SPATA13: variants seen among roughly 807,000 people sequenced by gnomAD.
SPATA13 encodes spermatogenesis-associated protein 13.
In SPATA13, 50 loss-of-function variants were observed where a neutral mutation model predicts 104.0. That is an observed-to-expected ratio of 0.48 (90% confidence interval 0.38 to 0.61). SPATA13 has a LOEUF of 0.61. Ranked by LOEUF, SPATA13 falls within the 20% of genes least tolerant of loss-of-function variation. The pLI, the probability that SPATA13 is intolerant of heterozygous loss-of-function variation, is 0.00. For missense variants in SPATA13, 1,524 were observed against 1,690.6 expected, an observed-to-expected ratio of 0.90 and a Z score of 1.73; for synonymous variants, 606 against 667.5, an observed-to-expected ratio of 0.91 and a Z score of 1.42.
chr13:24,306,503 A>G lies in SPATA13; in HGVS notation c.*3730A>G, dbSNP rs1877584187. 1 of 152,234 alleles carries G rather than the reference A, an allele frequency of 6.6e-6. No individual in the cohort carries two copies. Among genetic ancestry groups the G allele is most frequent in the African/African-American group, 2.4e-5 (1 of 41,478 alleles). The allele number at this position is 152,234 out of a possible 1,614,324, so 9.4% of individuals were successfully genotyped here. On this transcript the variant is annotated 3_prime_UTR_variant, in exon 13 of 13. Coordinates refer to ENST00000382108, the MANE Select transcript of SPATA13 (RefSeq NM_001166271.3). ...GGACCCAAGTCAACTAGGTGAAACT[A>G]CTAGCAGACCCAGCTTTCCCATAAT...
At chr13:24,079,858 G>A (rs534018872) in intron 3 of SPATA13, among the ~76,000 whole-genome samples, 13 of 152,180 alleles carry the variant, frequency 8.5e-5, no homozygotes, top group African/African-American at 3.1e-4. Context: ...TGACTCTCCC[G>A]TGAGGATGGG....
At chr13:24,255,271 C>T (rs1489897651) in intron 4 of SPATA13, among the ~76,000 whole-genome samples, 2 of 152,128 alleles carry the variant, frequency 1.3e-5, no homozygotes, top group African/African-American at 4.8e-5. Flanking sequence ...AGGATGCCTA[C>T]CCTGAGGCTC....
intron 4 of SPATA13, 108 bp downstream of exon 4, chr13:24,251,970 G>A: frequency 7.1e-7 from 1 of 1,404,452 alleles, no homozygotes; most frequent in Non-Finnish European, 9.6e-7. Flanking sequence ...CTTGGGCCAG[G>A]GCGCGTTTGT....
intron 4 of SPATA13, among the ~76,000 whole-genome samples, chr13:24,252,100 G>A (rs1354873167): frequency 6.6e-6 from 1 of 152,062 alleles, no homozygotes; most frequent in Non-Finnish European, 1.5e-5. Flanking sequence ...TGTGGTGTCC[G>A]TGTACATACA....
chr13:24,021,519 C>A (rs969326086), intron 3 of SPATA13, among the ~76,000 whole-genome samples: 1 of 152,106 alleles, frequency 6.6e-6, no homozygotes, highest in African/African-American at 2.4e-5. Context: ...AAATTAAAAA[C>A]CAGTATCAGG....
chr13:23,991,470 C>G (rs1471834054), intron 2 of SPATA13, among the ~76,000 whole-genome samples: 2 of 152,084 alleles, frequency 1.3e-5, no homozygotes, highest in Non-Finnish European at 2.9e-5. Context: ...TTTCTTGCTC[C>G]TCTTTTCTCC....
rs142292795 is a variant in SPATA13 at position 24,175,069 on chromosome 13, G to A, written c.-112+14137G>A. 7.9e-5 allele frequency among the ~76,000 whole-genome samples: 12 copies of A among 152,236 alleles called. No homozygotes were observed. The East Asian group carries it at 2.1e-3, about 27-fold the overall frequency. On this transcript the variant is annotated intron_variant, in intron 1 of 12. Coordinates refer to ENST00000382108, the MANE Select transcript of SPATA13 (RefSeq NM_001166271.3). ...ATTTGTTGAGGTTTGTATGGCCCGG[G>A]GTATTGGTCCATCTTGATATATGTT...
At chr13:24,116,656 A>G (rs972009766) in intron 3 of SPATA13, among the ~76,000 whole-genome samples, 8 of 152,144 alleles carry the variant, frequency 5.3e-5, no homozygotes, top group African/African-American at 1.7e-4. Flanking sequence ...ACAAATGCAA[A>G]GTCACTGAGG....
At chr13:24,242,305 C>T (rs1028235541) in intron 2 of SPATA13, among the ~76,000 whole-genome samples, 2 of 152,176 alleles carry the variant, frequency 1.3e-5, no homozygotes, top group Non-Finnish European at 2.9e-5. Context: ...TATGTCTACA[C>T]ACACATGGAT....
chr13:23,994,882 C>T (rs1875603107), intron 2 of SPATA13, among the ~76,000 whole-genome samples: 1 of 152,154 alleles, frequency 6.6e-6, no homozygotes, highest in Admixed American at 6.5e-5. Flanking sequence ...AAAAGCATAT[C>T]AGCACACTGT....
intron 4 of SPATA13, among the ~76,000 whole-genome samples, chr13:24,277,398 C>T (rs548930194): frequency 2.1e-5 from 3 of 142,884 alleles, no homozygotes; most frequent in South Asian, 2.2e-4. Context: ...GACCCGAGAT[C>T]GCGCCATTGC....
Position 24,284,258 on chromosome 13 carries a change from T to C in SPATA13, c.2288T>C (p.Leu763Pro). 6.2e-7 allele frequency: 1 copy of C among 1,613,530 alleles called. No individual in the cohort carries two copies. The highest frequency in any genetic ancestry group is 8.5e-7 in the Non-Finnish European group (1 of 1,179,772). The change falls in exon 5 of 13, where the codon CTG (leucine) becomes CCG (proline). Residue 763 changes from leucine (L) to proline (P), a missense_variant. Physicochemically the swap from Leu to Pro is moderately conservative, Grantham distance 98. This residue lies in a region of SPATA13 where 1,089 missense variants were observed against 1,135.9 expected (regional missense o/e 0.96). Transcript: ENST00000382108. ...PRYLQPGGEQ[L>P]AINELISDGN... The stretch of plus-strand genomic sequence containing the variant: ...TACCTGCAGCCCGGCGGGGAGCAGC[T>C]GGCCATCAATGAGGTACTGGAATTC...
At chr13:24,296,176 C>T (rs1410615096) in intron 10 of SPATA13, among the ~76,000 whole-genome samples, 4 of 152,118 alleles carry the variant, frequency 2.6e-5, no homozygotes, top group African/African-American at 4.8e-5. Flanking sequence ...ATTTCAAGGG[C>T]CTTATAGACT....
intron 3 of SPATA13, among the ~76,000 whole-genome samples, chr13:24,043,694 C>A (rs754973877): frequency 2.6e-5 from 4 of 152,098 alleles, no homozygotes; most frequent in Non-Finnish European, 5.9e-5. Context: ...TTGTTGACAG[C>A]CTTATGCCAA....
intron 3 of SPATA13, among the ~76,000 whole-genome samples, chr13:24,031,016 G>C (rs1877456295): frequency 6.6e-6 from 1 of 152,184 alleles, no homozygotes. Flanking sequence ...AGTCTCCAAA[G>C]CCTATGTTTT....
rs768466442 is a variant in SPATA13 at position 24,284,185 on chromosome 13, A to G, written c.2215A>G (p.Ser739Gly). Residue 739 changes from serine (S) to glycine (G), a missense_variant, in exon 5 of 13, where the codon AGT (serine) becomes GGT (glycine). This residue lies in a region of SPATA13 where 1,089 missense variants were observed against 1,135.9 expected (regional missense o/e 0.96). Coordinates refer to ENST00000382108, the MANE Select transcript of SPATA13 (RefSeq NM_001166271.3). Reference sequence around the variant, plus strand: ...CTCTGCCTTAGTGGATGACAACGGTAGTGAGGAGGACTTCAGCTATGAAGA... The same window carrying G: ...CTCTGCCTTAGTGGATGACAACGGTGGTGAGGAGGACTTCAGCTATGAAGA... ...EPSALVDDNGSEEDFSYEDLC... is the reference protein window; with the variant it reads ...EPSALVDDNGGEEDFSYEDLC... 8.1e-6 allele frequency: 13 copies of G among 1,613,812 alleles called. No homozygotes were observed. The highest frequency in any genetic ancestry group is 3.3e-5 in the Admixed American group (2 of 59,990).
chr13:24,065,271 T>G (rs1457160815), intron 3 of SPATA13, among the ~76,000 whole-genome samples: 4 of 152,082 alleles, frequency 2.6e-5, no homozygotes, highest in South Asian at 2.1e-4. Context: ...ATTCTTAAAC[T>G]TCCCCCATGT....
intron 3 of SPATA13, among the ~76,000 whole-genome samples, chr13:24,073,636 C>A (rs1879236758): frequency 6.6e-6 from 1 of 152,208 alleles, no homozygotes; most frequent in Non-Finnish European, 1.5e-5. Flanking sequence ...TTAGTGAGGT[C>A]AATGGCATGG....
chr13:24,043,883 T>C (rs901714804), intron 3 of SPATA13, among the ~76,000 whole-genome samples: 3 of 152,220 alleles, frequency 2.0e-5, no homozygotes, highest in Non-Finnish European at 4.4e-5. Context: ...AAATAAGGAC[T>C]GCCAGGGGAG....
Sources: allele counts gnomAD v4.1 joint callset (sites outside exome capture counted in the v4.1 genomes callset), GRCh38; gene constraint gnomAD v4.1.1; regional missense constraint gnomAD v4.1.1; transcripts MANE v1.5; gene names NCBI Gene and HGNC (gene_info 2026-07-23, HGNC 2026-07-21).